Variants in GOLGA6L7 observed in about 807,000 individuals in gnomAD.
GOLGA6L7 encodes golgin A6 family like 7, also known as golgin subfamily A member 6-like protein 7.
In GOLGA6L7, 29 loss-of-function variants were observed where a neutral mutation model predicts 68.9. The observed-to-expected ratio is 0.42, with a 90% CI of 0.31 to 0.57. The LOEUF (loss-of-function observed/expected upper bound fraction) is 0.57. GOLGA6L7 is among the 20% of genes least tolerant of loss of function. The pLI, the probability that GOLGA6L7 is intolerant of heterozygous loss-of-function variation, is 0.13. For synonymous variants in GOLGA6L7, 133 were observed against 197.4 expected, an observed-to-expected ratio of 0.67 and a Z score of 2.73; for missense variants, 396 against 588.4, an observed-to-expected ratio of 0.67 and a Z score of 3.38.
intron 1 of GOLGA6L7, among the ~76,000 whole-genome samples, chr15:28,847,619 T>C (rs147550217): frequency 0.039 from 5,961 of 152,000 alleles, 180 homozygotes; most frequent in African/African-American, 0.13. Context: ...GAGAGAAGTC[T>C]TGTATACTCT....
chr15:28,842,331 C>T lies in GOLGA6L7; in HGVS notation c.1773G>A (p.Met591Ile), dbSNP rs2030217079. The T allele has an allele frequency of 2.4e-6, 3 of 1,231,110 alleles. No individual in the cohort carries two copies. The highest frequency in any genetic ancestry group is 8.4e-5 in the Admixed American group (2 of 23,730). The allele number at this position is 1,231,110 out of a possible 1,614,324, so 76.3% of individuals were successfully genotyped here. ...TAQIMQLPPG[M>I]KNAQERPGLG... ...AGCCTGGGCGCTCCTGGGCGTTCTT[C>T]ATTCCAGGGGGCAGCTGCATGATCT... Residue 591 changes from methionine to isoleucine, a missense_variant, in exon 9 of 9, where the codon ATG becomes ATA. Transcript: ENST00000567390.
chr15:28,845,681 G>A, intron 5 of GOLGA6L7, 37 bp downstream of exon 5: 1 of 756,214 alleles, frequency 1.3e-6, no homozygotes, highest in South Asian at 1.4e-5. Flanking sequence ...CTGTGAAAGT[G>A]CCAGGTTGAA....
At chr15:28,845,860 T>A in intron 4 of GOLGA6L7, 40 bp downstream of exon 4, 1 of 1,066,604 alleles carries the variant, frequency 9.4e-7, no homozygotes, top group East Asian at 2.5e-5. Context: ...AAAGAAACCT[T>A]CTCCAGAGGA....
chr15:28,847,819 A>G (rs2030494944), intron 1 of GOLGA6L7, among the ~76,000 whole-genome samples: 1 of 152,242 alleles, frequency 6.6e-6, no homozygotes, highest in African/African-American at 2.4e-5. Flanking sequence ...TGCACAGAAG[A>G]TGAGCAAATC....
rs944534377 is a variant in GOLGA6L7, at chr15:28,842,328, C to T, written c.1776G>A (p.Lys592=). ...AQIMQLPPGM[K]NAQERPGLGS... ...CTAAGCCTGGGCGCTCCTGGGCGTTCTTCATTCCAGGGGGCAGCTGCATGA... is the reference window on the plus strand; with the variant it reads ...CTAAGCCTGGGCGCTCCTGGGCGTTTTTCATTCCAGGGGGCAGCTGCATGA... Residue 592 remains lysine, a synonymous_variant, in exon 9 of 9, where the codon AAG becomes AAA. Coordinates refer to ENST00000567390, the MANE Select transcript of GOLGA6L7 (RefSeq NM_001365371.2). 1 of 1,231,168 alleles carries T rather than the reference C, an allele frequency of 8.1e-7. No homozygotes were observed. The highest frequency in any genetic ancestry group is 1.6e-5 in the African/African-American group (1 of 64,432). 76.3% of individuals were successfully genotyped at this position (1,231,168 alleles called of 1,614,324 possible). A position where few individuals can be genotyped will look rare whatever the true frequency, so the allele number is the denominator to read the frequency against.
chr15:28,847,833 C>G (rs1367201555), intron 1 of GOLGA6L7, among the ~76,000 whole-genome samples: 1 of 152,346 alleles, frequency 6.6e-6, no homozygotes, highest in Admixed American at 6.5e-5. Context: ...GCAAATCTCA[C>G]TTCAAAGATC....
intron 6 of GOLGA6L7, among the ~76,000 whole-genome samples, chr15:28,844,653 T>A (rs900084635): frequency 2.7e-5 from 4 of 149,318 alleles, no homozygotes; most frequent in Non-Finnish European, 5.9e-5. Context: ...AGAGACTGAA[T>A]TGATAGCTGG....
In GOLGA6L7 at chr15:28,842,250, C is replaced by T; in HGVS notation, c.1854G>A (p.Lys618=). 8.1e-7 allele frequency: 1 copy of T among 1,229,594 alleles called. No homozygotes were observed. The highest frequency in any genetic ancestry group is 1.0e-6 in the Non-Finnish European group (1 of 985,240). The allele number at this position is 1,229,594 out of a possible 1,614,324, so 76.2% of individuals were successfully genotyped here. The change falls in exon 9 of 9, where the codon AAG becomes AAA. Residue 618 remains lysine, a synonymous_variant. Transcript: ENST00000567390. ...FFYGGDKKKI[K]IISI Reference sequence around the variant, plus strand: ...ACCGTTCTTTTTAGATACTGATGATCTTGATCTTTTTCTTGTCTCCTCCGT... The same window carrying T: ...ACCGTTCTTTTTAGATACTGATGATTTTGATCTTTTTCTTGTCTCCTCCGT...
rs1392926970 is a variant in GOLGA6L7 at position 28,842,235 on chromosome 15, T to G, written c.1869A>C (p.Ter623TyrextTer11). 3.2e-5 allele frequency: 39 copies of G among 1,228,624 alleles called. No individual in the cohort carries two copies. The highest frequency in any genetic ancestry group is 4.0e-5 in the Non-Finnish European group (39 of 984,582). The allele number at this position is 1,228,624 out of a possible 1,614,324, so 76.1% of individuals were successfully genotyped here. The change falls in exon 9 of 9, where the codon TAA becomes TAC. Residue 623 changes from the stop codon to tyrosine, a stop_lost. Coordinates refer to ENST00000567390, the MANE Select transcript of GOLGA6L7 (RefSeq NM_001365371.2). ...CTGTAGGCCTTGTTGACCGTTCTTT[T>G]TAGATACTGATGATCTTGATCTTTT... is the stretch of plus-strand genomic sequence containing the variant. ...DKKKIKIISI* is the reference protein window; with the variant it reads ...DKKKIKIISIY
At position 28,842,736 on chromosome 15, in the gene GOLGA6L7, C is replaced by G. The variant is rs2030241265; in HGVS notation, c.1368G>C (p.Gln456His). ...QEEQMGEQEE[Q>H]MRKQEEQMGE... Reference sequence around the variant, plus strand: ...CCATCTGCTCCTCCTGCTTCCGCATCTGCTCCTCCTGCTCCCCCATCTGCT... The same window carrying G: ...CCATCTGCTCCTCCTGCTTCCGCATGTGCTCCTCCTGCTCCCCCATCTGCT... Residue 456 changes from glutamine (Q) to histidine (H), a missense_variant, in exon 9 of 9, where the codon CAG (glutamine) becomes CAC (histidine). Coordinates refer to ENST00000567390, the MANE Select transcript of GOLGA6L7 (RefSeq NM_001365371.2). 1.6e-6 allele frequency: 2 copies of G among 1,274,170 alleles called. No homozygotes were observed. Among genetic ancestry groups the G allele is most frequent in the Non-Finnish European group, 2.0e-6 (2 of 1,018,288 alleles). The allele number at this position is 1,274,170 out of a possible 1,614,324, so 78.9% of individuals were successfully genotyped here.
In GOLGA6L7 at chr15:28,847,057, G is replaced by A. The variant is rs1244180571; in HGVS notation, c.180+7C>T. ...TGTCCTCAGGAGACCGGCCAGCCAA[G>A]ACTCACATCCTCAGGCGAGTGGCAG... On this transcript the variant is annotated splice_region_variant and intron_variant, in intron 2 of 8. Coordinates refer to ENST00000567390, the MANE Select transcript of GOLGA6L7 (RefSeq NM_001365371.2). 2 of 1,037,826 alleles carry A rather than the reference G, an allele frequency of 1.9e-6. No homozygotes were observed. Among genetic ancestry groups the A allele is most frequent in the African/African-American group, 2.1e-5 (1 of 47,134 alleles). 64.3% of individuals were successfully genotyped at this position (1,037,826 alleles called of 1,614,324 possible). A position where few individuals can be genotyped will look rare whatever the true frequency, so the allele number is the denominator to read the frequency against.
rs1376044074 is a variant in GOLGA6L7, at chr15:28,842,484, C to T, written c.1620G>A (p.Thr540=). 17 of 1,167,584 alleles carry T rather than the reference C, an allele frequency of 1.5e-5. No homozygotes were observed. The African/African-American group carries it at 1.8e-4, about 12-fold the overall frequency. 72.3% of individuals were successfully genotyped at this position (1,167,584 alleles called of 1,614,324 possible). The change falls in exon 9 of 9, where the codon ACG becomes ACA. Residue 540 remains threonine, a synonymous_variant. Transcript: ENST00000567390. ...KKERMGEQEK[T]QEERCSEPCL... ...AGGGCTCTGAGCACCGCTCCTCCTG[C>T]GTCTTCTCCTGCTCTCCCATCCTCT...
Position 28,843,175 on chromosome 15 carries a change from T to A in GOLGA6L7, c.929A>T (p.Glu310Val). 1 of 878,076 alleles carries A rather than the reference T, an allele frequency of 1.1e-6. No homozygotes were observed. Among genetic ancestry groups the A allele is most frequent in the Non-Finnish European group, 1.6e-6 (1 of 643,412 alleles). The allele number at this position is 878,076 out of a possible 1,614,324, so 54.4% of individuals were successfully genotyped here. A position where few individuals can be genotyped will look rare whatever the true frequency, so the allele number is the denominator to read the frequency against. The change falls in exon 9 of 9, where the codon GAG becomes GTG. Residue 310 changes from glutamate (E) to valine (V), a missense_variant. By Grantham distance (121) the Glu-to-Val change is moderately radical. Around this residue, in one of 5 missense-constraint regions of GOLGA6L7, gnomAD observed 114 missense variants for 186.0 expected, o/e 0.61. Transcript: ENST00000567390. ...RKQEEQMRKQ[E>V]EQMRKQEEQM... ...CTCCTCCTGCTTCCGCATCTGCTCC[T>A]CCTGCTTCCGCATCTGCTCCTCCTG...
intron 2 of GOLGA6L7, among the ~76,000 whole-genome samples, chr15:28,846,462 A>C (rs924150015): frequency 2.6e-5 from 4 of 152,204 alleles, no homozygotes; most frequent in African/African-American, 4.8e-5. Flanking sequence ...TGAAAGTCTG[A>C]AACTAGATTC....
chr15:28,842,825 C>T lies in GOLGA6L7; in HGVS notation c.1279G>A (p.Glu427Lys). 3 of 1,241,658 alleles carry T rather than the reference C, an allele frequency of 2.4e-6. No homozygotes were observed. The highest frequency in any genetic ancestry group is 1.0e-6 in the Non-Finnish European group (1 of 1,000,922). 76.9% of individuals were successfully genotyped at this position (1,241,658 alleles called of 1,614,324 possible). A position where few individuals can be genotyped will look rare whatever the true frequency, so the allele number is the denominator to read the frequency against. The change falls in exon 9 of 9, where the codon GAG becomes AAG. Residue 427 changes from glutamate (E) to lysine (K), a missense_variant. By Grantham distance (56) the Glu-to-Lys change is moderately conservative (BLOSUM62 1). This residue lies in a region of GOLGA6L7 where 114 missense variants were observed against 186.0 expected (regional missense o/e 0.61). Transcript: ENST00000567390. ...KQEEQMGEQEEQIRKQEEQMG... is the reference protein window; with the variant it reads ...KQEEQMGEQEKQIRKQEEQMG... ...TGCTCCTCCTGCTTCCGGATCTGCT[C>T]CTCCTGCTCCCCCATCTGCTCCTCC...
rs2030207728 is a variant in GOLGA6L7, at chr15:28,842,137, T to C, written c.*98A>G. On this transcript the variant is annotated 3_prime_UTR_variant, in exon 9 of 9. Coordinates refer to ENST00000567390, the MANE Select transcript of GOLGA6L7 (RefSeq NM_001365371.2). ...GTGCCCGGCCAGTATTTTGCCACAATTTAAAATAAATTTTCTTTTTTTCAA... is the reference window on the plus strand; with the variant it reads ...GTGCCCGGCCAGTATTTTGCCACAACTTAAAATAAATTTTCTTTTTTTCAA... 5 of 1,093,196 alleles carry C rather than the reference T, an allele frequency of 4.6e-6. No individual in the cohort carries two copies. The highest frequency in any genetic ancestry group is 4.6e-6 in the Non-Finnish European group (4 of 863,648). 67.7% of individuals were successfully genotyped at this position (1,093,196 alleles called of 1,614,324 possible).
At chr15:28,845,319 C>A (rs925858169) in intron 6 of GOLGA6L7, 6 of 654,592 alleles carry the variant, frequency 9.2e-6, no homozygotes, top group Non-Finnish European at 1.7e-5. Flanking sequence ...AGCTCTGTGT[C>A]CAGTGCTCGC....
In GOLGA6L7 at chr15:28,842,366, G is replaced by T; in HGVS notation, c.1738C>A (p.Arg580Ser). The T allele has an allele frequency of 8.1e-7, 1 of 1,235,510 alleles. No individual in the cohort carries two copies. The allele number at this position is 1,235,510 out of a possible 1,614,324, so 76.5% of individuals were successfully genotyped here. ...GGCAGCTGCATGATCTGTGCAGTGC[G>T]GTTGTCATGGGAATAACCCTTCCCG... ...EAGKGYSHDN[R>S]TAQIMQLPPG... The change falls in exon 9 of 9, where the codon CGC becomes AGC. Residue 580 changes from arginine to serine, a missense_variant. Transcript: ENST00000567390.
chr15:28,846,551 A>T (rs1304742793), intron 2 of GOLGA6L7, among the ~76,000 whole-genome samples: 1 of 152,120 alleles, frequency 6.6e-6, no homozygotes, highest in Admixed American at 6.5e-5. Flanking sequence ...TGTGATGGAG[A>T]AAGATGTGTT....
Sources: gnomAD v4.1 joint callset for allele counts (sites outside exome capture counted in the v4.1 genomes callset) on GRCh38, gnomAD v4.1.1 for gene constraint, gnomAD v4.1.1 regional missense constraint, MANE v1.5 for transcripts, NCBI Gene and HGNC (gene_info 2026-07-23, HGNC 2026-07-21) for gene names.